RAB11FIP5: variants seen among roughly 807,000 people sequenced by gnomAD.
RAB11FIP5 encodes the protein rab11 family-interacting protein 5.
A neutral mutation model predicts 85.1 loss-of-function variants in RAB11FIP5; 48 were observed. The ratio of observed to expected loss-of-function variants is 0.56; its 90% CI spans 0.45 to 0.72. The LOEUF (loss-of-function observed/expected upper bound fraction) is 0.72, where lower values mean the gene tolerates loss of function less well. RAB11FIP5 is among the 30% of genes least tolerant of loss of function. The pLI, the probability that RAB11FIP5 is intolerant of heterozygous loss-of-function variation, is 0.00. For synonymous variants in RAB11FIP5, 729 were observed against 727.3 expected (o/e 1.00, Z -0.04); for missense variants, 1,491 against 1,687.0 (o/e 0.88, Z 2.04).
intron 1 of RAB11FIP5, among the ~76,000 whole-genome samples, chr2:73,109,796 A>G (rs769795194): frequency 6.6e-6 from 1 of 152,148 alleles, no homozygotes; most frequent in Non-Finnish European, 1.5e-5. Context: ...AGGCTTTCCT[A>G]GGCTCTAAGT....
In RAB11FIP5 at chr2:73,089,517, G is replaced by A. The variant is rs1239021077; in HGVS notation, c.432-202C>T. 1.5e-6 allele frequency: 1 copy of A among 675,192 alleles called. No homozygotes were observed. The highest frequency in any genetic ancestry group is 2.7e-6 in the Non-Finnish European group (1 of 375,836). The allele number at this position is 675,192 out of a possible 1,614,324, so 41.8% of individuals were successfully genotyped here. On this transcript the variant is annotated intron_variant, in intron 1 of 5. Coordinates refer to ENST00000486777, the MANE Select transcript of RAB11FIP5 (RefSeq NM_001371272.1). The surrounding 1 kb of genome is among the most constrained non-coding windows in gnomAD (Gnocchi z 4.6). ...AACTATCCAAAACATTTCCATGATGGAGAAAACCACATCCTGAGTGGGGAA... is the reference window on the plus strand; with the variant it reads ...AACTATCCAAAACATTTCCATGATGAAGAAAACCACATCCTGAGTGGGGAA...
chr2:73,108,788 A>G (rs908487071), intron 1 of RAB11FIP5, among the ~76,000 whole-genome samples: 5 of 152,232 alleles, frequency 3.3e-5, no homozygotes, highest in African/African-American at 1.2e-4. Flanking sequence ...TCATGCCTGT[A>G]ATCCCAGCAC....
At chr2:73,111,977 T>G (rs930513978) in intron 1 of RAB11FIP5, among the ~76,000 whole-genome samples, 2 of 152,034 alleles carry the variant, frequency 1.3e-5, no homozygotes, top group African/African-American at 2.4e-5. Flanking sequence ...CCCCTCCCCT[T>G]TGAGGAAAGG....
In RAB11FIP5 at chr2:73,073,884, G is replaced by C. The variant is rs960505134; in HGVS notation, c.*1637C>G. On this transcript the variant is annotated 3_prime_UTR_variant, in exon 6 of 6. Transcript: ENST00000486777. ...CAGACAGACATCACCCAGAGGGCACGTGTCTGCCTGAGGCCTTCCAAAAGC... is the reference window on the plus strand; with the variant it reads ...CAGACAGACATCACCCAGAGGGCACCTGTCTGCCTGAGGCCTTCCAAAAGC... 6.6e-6 allele frequency: 1 copy of C among 152,222 alleles called. No homozygotes were observed. The highest frequency in any genetic ancestry group is 2.4e-5 in the African/African-American group (1 of 41,450). The allele number at this position is 152,222 out of a possible 1,614,324, so 9.4% of individuals were successfully genotyped here. A position where few individuals can be genotyped will look rare whatever the true frequency, so the allele number is the denominator to read the frequency against.
At chr2:73,082,271 G>A (rs1683999116) in intron 3 of RAB11FIP5, among the ~76,000 whole-genome samples, 1 of 152,066 alleles carries the variant, frequency 6.6e-6, no homozygotes, top group African/African-American at 2.4e-5. Flanking sequence ...GCCTCCCAAA[G>A]TTCTGGGATT....
intron 2 of RAB11FIP5, 54 bp from the exon 3 acceptor site, chr2:73,088,803 G>T: frequency 1.3e-6 from 2 of 1,534,408 alleles, no homozygotes; most frequent in Non-Finnish European, 1.7e-6. Context: ...CCATTTCCTG[G>T]CCCCAGGCCT....
intron 1 of RAB11FIP5, among the ~76,000 whole-genome samples, chr2:73,109,807 T>C (rs1335044941): frequency 1.3e-5 from 2 of 152,180 alleles, no homozygotes; most frequent in African/African-American, 4.8e-5. Flanking sequence ...GGCTCTAAGT[T>C]CTAGACTGTC....
rs1040303654 is a variant in RAB11FIP5, at chr2:73,089,504, C to G, written c.432-189G>C. 3 of 699,500 alleles carry G rather than the reference C, an allele frequency of 4.3e-6. No individual in the cohort carries two copies. Among genetic ancestry groups the G allele is most frequent in the Non-Finnish European group, 7.7e-6 (3 of 391,356 alleles). 43.3% of individuals were successfully genotyped at this position (699,500 alleles called of 1,614,324 possible). A position where few individuals can be genotyped will look rare whatever the true frequency, so the allele number is the denominator to read the frequency against. ...GATGCAGCTGAGAAACTATCCAAAA[C>G]ATTTCCATGATGGAGAAAACCACAT... On this transcript the variant is annotated intron_variant, in intron 1 of 5. Coordinates refer to ENST00000486777, the MANE Select transcript of RAB11FIP5 (RefSeq NM_001371272.1). This position sits in a 1 kb window ranked among gnomAD's most constrained non-coding sequence, Gnocchi z 4.6.
chr2:73,087,811 G>A lies in RAB11FIP5; in HGVS notation c.1568+239C>T, dbSNP rs1684117349. Among the ~76,000 whole-genome samples, 3 of 152,168 alleles carry A rather than the reference G, an allele frequency of 2.0e-5. No individual in the cohort carries two copies. The South Asian group carries it at 6.2e-4, about 32-fold the overall frequency. On this transcript the variant is annotated intron_variant, in intron 3 of 5. Coordinates refer to ENST00000486777, the MANE Select transcript of RAB11FIP5 (RefSeq NM_001371272.1). ...CTCATGCAGCAAGGCCTAGGGCTGAGAAGTCGGACCCCTCAATCCATAGGA... is the reference window on the plus strand; with the variant it reads ...CTCATGCAGCAAGGCCTAGGGCTGAAAAGTCGGACCCCTCAATCCATAGGA...
chr2:73,088,352 C>T lies in RAB11FIP5; in HGVS notation c.1266G>A (p.Glu422=). ...VLAPGASHPG[E]EEGARLPEGK... is the part of the protein sequence containing the mutation. Reference sequence around the variant, plus strand: ...CCTCTGGTAGCCGGGCCCCCTCCTCCTCTCCAGGGTGGCTGGCCCCAGGGG... The same window carrying T: ...CCTCTGGTAGCCGGGCCCCCTCCTCTTCTCCAGGGTGGCTGGCCCCAGGGG... Residue 422 remains glutamate, a synonymous_variant, in exon 3 of 6, where the codon GAG becomes GAA. Transcript: ENST00000486777. 1 of 1,613,794 alleles carries T rather than the reference C, an allele frequency of 6.2e-7. No individual in the cohort carries two copies. The highest frequency in any genetic ancestry group is 8.5e-7 in the Non-Finnish European group (1 of 1,180,026).
At chr2:73,108,174 G>A (rs886948677) in intron 1 of RAB11FIP5, among the ~76,000 whole-genome samples, 8 of 152,216 alleles carry the variant, frequency 5.3e-5, no homozygotes, top group Middle Eastern at 3.2e-3. Context: ...CTAAGCAGGG[G>A]CTGAACGGAG....
chr2:73,109,496 G>T (rs974395736), intron 1 of RAB11FIP5, among the ~76,000 whole-genome samples: 8 of 152,324 alleles, frequency 5.3e-5, no homozygotes, highest in Admixed American at 1.3e-4. Flanking sequence ...TAACCTGTCT[G>T]CTGGTAAGTC....
chr2:73,089,207 C>G lies in RAB11FIP5; in HGVS notation c.540G>C (p.Leu180=), dbSNP rs944243399. Residue 180 remains leucine, a synonymous_variant, in exon 2 of 6, where the codon CTG becomes CTC. Transcript: ENST00000486777. The surrounding 1 kb of genome is among the most constrained non-coding windows in gnomAD (Gnocchi z 4.6). The part of the protein sequence containing the change: ...RNNLSASMFD[L]SMKDKPRSPF... ...GAGACCTTGGCTTGTCCTTCATGGA[C>G]AGGTCAAACATACTGGCGCTCAGGT... 5 of 1,614,062 alleles carry G rather than the reference C, an allele frequency of 3.1e-6. 1 individual carries two copies. Among genetic ancestry groups the G allele is most frequent in the Admixed American group, 1.7e-5 (1 of 60,000 alleles).
intron 1 of RAB11FIP5, among the ~76,000 whole-genome samples, chr2:73,104,487 G>A (rs2106123017): frequency 6.6e-6 from 1 of 152,320 alleles, no homozygotes; most frequent in Middle Eastern, 3.4e-3. Flanking sequence ...AGAATCACTT[G>A]AACCTGGGAG....
chr2:73,100,600 A>G (rs1289259544), intron 1 of RAB11FIP5, among the ~76,000 whole-genome samples: 1 of 151,730 alleles, frequency 6.6e-6, no homozygotes, highest in African/African-American at 2.4e-5. Context: ...TAATTTTTGT[A>G]TTTCCAGTAG....
At chr2:73,099,934 G>A (rs947501921) in intron 1 of RAB11FIP5, among the ~76,000 whole-genome samples, 3 of 152,230 alleles carry the variant, frequency 2.0e-5, no homozygotes, top group Non-Finnish European at 2.9e-5. Flanking sequence ...CTGCAAAGCT[G>A]ACTGTTGTAG....
At chr2:73,107,197 T>C (rs904628270) in intron 1 of RAB11FIP5, among the ~76,000 whole-genome samples, 8 of 152,214 alleles carry the variant, frequency 5.3e-5, no homozygotes, top group African/African-American at 1.9e-4. Flanking sequence ...AACTGCTTCA[T>C]GGCTACACTA....
At chr2:73,097,079 C>T (rs2106117593) in intron 1 of RAB11FIP5, among the ~76,000 whole-genome samples, 1 of 152,158 alleles carries the variant, frequency 6.6e-6, no homozygotes, top group Non-Finnish European at 1.5e-5. Context: ...ACTCTTGTTG[C>T]CCAGGCTGGA....
At chr2:73,093,600 C>T (rs895102840) in intron 1 of RAB11FIP5, among the ~76,000 whole-genome samples, 2 of 152,216 alleles carry the variant, frequency 1.3e-5, no homozygotes, top group Admixed American at 6.5e-5. Flanking sequence ...TGCTGGGTCC[C>T]CCACTGACCA....
Sources: allele counts gnomAD v4.1 joint callset (sites outside exome capture counted in the v4.1 genomes callset), GRCh38; gene constraint gnomAD v4.1.1; non-coding constraint Gnocchi (gnomAD v3.1); transcripts MANE v1.5; gene names NCBI Gene and HGNC (gene_info 2026-07-23, HGNC 2026-07-21).